Variants in LSAMP observed in about 807,000 individuals in gnomAD.
LSAMP encodes limbic system-associated membrane protein.
A neutral mutation model predicts 38.6 loss-of-function variants in LSAMP; 7 were observed. The ratio of observed to expected loss-of-function variants is 0.18; its 90% CI spans 0.10 to 0.34. The LOEUF (loss-of-function observed/expected upper bound fraction) is 0.34, where lower values mean the gene tolerates loss of function less well. Ranked by LOEUF, LSAMP falls within the 10% of genes least tolerant of loss-of-function variation. The pLI, the probability that LSAMP is intolerant of heterozygous loss-of-function variation, is 1.00. For missense variants in LSAMP, 313 were observed against 420.0 expected (o/e 0.75, Z 2.23); for synonymous variants, 154 against 166.8 (o/e 0.92, Z 0.59).
intron 3 of LSAMP, among the ~76,000 whole-genome samples, chr3:115,860,509 T>G (rs569522548): frequency 1.3e-5 from 2 of 152,318 alleles, no homozygotes; most frequent in African/African-American, 2.4e-5. Flanking sequence ...GCAATGCAGC[T>G]CAATTACTGA....
intron 3 of LSAMP, among the ~76,000 whole-genome samples, chr3:115,858,918 T>G: frequency 6.6e-6 from 1 of 152,232 alleles, no homozygotes; most frequent in Non-Finnish European, 1.5e-5. Flanking sequence ...TTTCATGTTT[T>G]GCTTTTGTTT....
chr3:116,031,260 C>T lies in LSAMP; in HGVS notation c.389-11620G>A, dbSNP rs141859102. 6.6e-5 allele frequency among the ~76,000 whole-genome samples: 10 copies of T among 152,140 alleles called. No homozygotes were observed. In the East Asian group the frequency reaches 1.9e-3, roughly 29 times the overall value. On this transcript the variant is annotated intron_variant, in intron 2 of 6. Transcript: ENST00000490035. ...CAAAATTTACTGAGTGCCTACAACA[C>T]ATAAAGACATTGTGCCAGGCATGAG...
chr3:116,337,443 T>C (rs1436335539), intron 1 of LSAMP, among the ~76,000 whole-genome samples: 5 of 151,982 alleles, frequency 3.3e-5, no homozygotes, highest in Non-Finnish European at 5.9e-5. Flanking sequence ...GCTAGGAAAA[T>C]TATAACAGCC....
In LSAMP at chr3:115,802,396, G is replaced by A. The variant is rs1385854512; in HGVS notation, c.*7921C>T. ...CAATGAAGACACATCTCCTTTTCAC[G>A]TTTATTTCATTTTGTTTTAAGATCA... is the stretch of plus-strand genomic sequence containing the variant. On this transcript the variant is annotated 3_prime_UTR_variant, in exon 7 of 7. Transcript: ENST00000490035. The A allele has an allele frequency of 3.3e-5, 5 of 151,958 alleles. No individual in the cohort carries two copies. The highest frequency in any genetic ancestry group is 4.8e-5 in the African/African-American group (2 of 41,360). 9.4% of individuals were successfully genotyped at this position (151,958 alleles called of 1,614,324 possible).
chr3:116,154,202 G>A (rs1030610914), intron 1 of LSAMP, among the ~76,000 whole-genome samples: 1 of 152,114 alleles, frequency 6.6e-6, no homozygotes, highest in East Asian at 1.9e-4. Flanking sequence ...CATGGGCCTT[G>A]TCAGGATAAT....
intron 6 of LSAMP, among the ~76,000 whole-genome samples, chr3:115,817,461 A>C (rs1348509890): frequency 6.6e-6 from 1 of 152,196 alleles, no homozygotes; most frequent in Admixed American, 6.5e-5. Context: ...TATTTGTTTA[A>C]TTTATAAATA....
intron 1 of LSAMP, among the ~76,000 whole-genome samples, chr3:116,202,141 T>TTG (rs1256911309): frequency 1.4e-5 from 2 of 144,358 alleles, no homozygotes; most frequent in African/African-American, 5.1e-5. Flanking sequence ...TTCCTTTCTT[T>TTG]TCTTTTTTTT....
intron 6 of LSAMP, among the ~76,000 whole-genome samples, chr3:115,815,983 G>A (rs565908782): frequency 2.0e-5 from 3 of 152,262 alleles, no homozygotes; most frequent in Admixed American, 2.0e-4. Flanking sequence ...GATTTCCACA[G>A]TTGAGAGTGA....
At chr3:116,107,529 AGTT>A (rs370621986) in intron 1 of LSAMP, among the ~76,000 whole-genome samples, 3,948 of 152,152 alleles carry the variant, frequency 0.026, 62 homozygotes, top group Middle Eastern at 0.041. Flanking sequence ...GAAGGAAAGG[AGTT>A]GTTGTTTTGT....
At chr3:116,018,546 C>T (rs1180947920) in intron 3 of LSAMP, among the ~76,000 whole-genome samples, 3 of 152,064 alleles carry the variant, frequency 2.0e-5, no homozygotes, top group Admixed American at 2.0e-4. Context: ...TGTGAGTTCT[C>T]TACAAAATCA....
chr3:115,877,265 C>A (rs945859764), intron 3 of LSAMP, among the ~76,000 whole-genome samples: 4 of 150,036 alleles, frequency 2.7e-5, no homozygotes, highest in Non-Finnish European at 4.4e-5. Context: ...TTTTTTTTTT[C>A]TCCTTCCTGC....
intron 2 of LSAMP, among the ~76,000 whole-genome samples, chr3:116,057,961 A>ACC (rs141456301): frequency 6.0e-5 from 5 of 82,668 alleles, no homozygotes; most frequent in African/African-American, 3.0e-4. Flanking sequence ...ACACACCCAC[A>ACC]CACACACACA....
intron 1 of LSAMP, among the ~76,000 whole-genome samples, chr3:116,123,144 T>C (rs138493047): frequency 6.6e-5 from 10 of 152,296 alleles, no homozygotes; most frequent in African/African-American, 2.4e-4. Context: ...CAGTAAATTA[T>C]TAGTGTTGGA....
At position 115,809,341 on chromosome 3, in the gene LSAMP, CT is replaced by C. The variant is rs773917239; in HGVS notation, c.*975del. On this transcript the variant is annotated 3_prime_UTR_variant, in exon 7 of 7. Transcript: ENST00000490035. ...GGTCCTGCCCTTGGAAGGAGCATAG[CT>C]TGGTTTGAATACACACTGATGCCAT... 12 of 152,226 alleles carry C rather than the reference CT, an allele frequency of 7.9e-5. No homozygotes were observed. The highest frequency in any genetic ancestry group is 1.6e-4 in the Non-Finnish European group (11 of 68,088). 9.4% of individuals were successfully genotyped at this position (152,226 alleles called of 1,614,324 possible). A position where few individuals can be genotyped will look rare whatever the true frequency, so the allele number is the denominator to read the frequency against.
At chr3:116,356,970 T>G (rs955143540) in intron 1 of LSAMP, among the ~76,000 whole-genome samples, 2 of 152,092 alleles carry the variant, frequency 1.3e-5, no homozygotes, top group African/African-American at 4.8e-5. Flanking sequence ...ATTTTTTGTA[T>G]TTTTAGTAGA....
chr3:116,426,957 G>C (rs2049204637), intron 1 of LSAMP, among the ~76,000 whole-genome samples: 1 of 150,876 alleles, frequency 6.6e-6, no homozygotes, highest in African/African-American at 2.4e-5. Context: ...GGGTTTTTCT[G>C]GTAGCATACA....
intron 2 of LSAMP, among the ~76,000 whole-genome samples, chr3:116,075,068 C>T (rs1339797094): frequency 6.6e-6 from 1 of 151,520 alleles, no homozygotes; most frequent in Non-Finnish European, 1.5e-5. Context: ...GAAATCCCGA[C>T]CTCTGGTGAT....
chr3:115,888,093 T>A (rs1462201072), intron 3 of LSAMP, among the ~76,000 whole-genome samples: 3 of 151,946 alleles, frequency 2.0e-5, no homozygotes, highest in African/African-American at 4.8e-5. Flanking sequence ...GTTGTCCTTT[T>A]ATATTCTCAC....
chr3:116,116,513 G>A (rs1484444513), intron 1 of LSAMP, among the ~76,000 whole-genome samples: 23 of 146,136 alleles, frequency 1.6e-4, no homozygotes, highest in East Asian at 4.0e-4. Context: ...TGGCTAACAC[G>A]GTGAAACCCC....
Sources: gnomAD v4.1 joint callset for allele counts (sites outside exome capture counted in the v4.1 genomes callset) on GRCh38, gnomAD v4.1.1 for gene constraint, MANE v1.5 for transcripts, NCBI Gene and HGNC (gene_info 2026-07-23, HGNC 2026-07-21) for gene names.